Variants in PTPRD observed in about 807,000 individuals in gnomAD.
PTPRD encodes the protein receptor-type tyrosine-protein phosphatase delta.
In PTPRD, 34 loss-of-function variants were observed where a neutral mutation model predicts 214.5. The observed-to-expected ratio is 0.16, with a 90% confidence interval of 0.12 to 0.21. The LOEUF is 0.21. Among genes scored for constraint, PTPRD ranks in the 10% least tolerant of loss-of-function variants. PTPRD has a pLI of 1.00. For synonymous variants in PTPRD, 1,128 were observed against 845.7 expected (o/e 1.33, Z -5.79); for missense variants, 2,545 against 2,398.7 (o/e 1.06, Z -1.27).
chr9:9,109,229 CTCTA>C (rs1008157027), intron 10 of PTPRD, among the ~76,000 whole-genome samples: 18 of 152,274 alleles, frequency 1.2e-4, no homozygotes, highest in Admixed American at 1.1e-3. Context: ...GCTTGTTATA[CTCTA>C]TCTATATCTA....
rs188389094 is a variant in PTPRD at position 10,384,483 on chromosome 9, T to C, written c.-599-43466A>G. ...AATACATATATTGAGCAAAATAAGT[T>C]ATTTCAAAAATATATTGAAGTACAA... On this transcript the variant is annotated intron_variant, in intron 2 of 45. Transcript: ENST00000381196. 4.6e-5 allele frequency among the ~76,000 whole-genome samples: 7 copies of C among 151,882 alleles called. No homozygotes were observed. The East Asian group carries it at 5.8e-4, about 13-fold the overall frequency.
chr9:8,342,015 C>T (rs1213143883), intron 39 of PTPRD, 37 bp from the exon 40 acceptor site: 1 of 1,541,078 alleles, frequency 6.5e-7, no homozygotes, highest in Non-Finnish European at 8.7e-7. Flanking sequence ...CCAAATAAAC[C>T]TATCAGAAAA....
intron 7 of PTPRD, among the ~76,000 whole-genome samples, chr9:9,705,769 G>T (rs1036316832): frequency 1.4e-4 from 22 of 152,136 alleles, no homozygotes; most frequent in Non-Finnish European, 2.2e-4. Flanking sequence ...TGTGCAGAAT[G>T]ATTTTTAAAT....
chr9:8,813,762 T>G (rs531888734), intron 11 of PTPRD, among the ~76,000 whole-genome samples: 91 of 152,354 alleles, frequency 6.0e-4, no homozygotes, highest in Admixed American at 1.0e-3. Flanking sequence ...AAGAGATGCT[T>G]TGCTGAGTTC....
intron 5 of PTPRD, among the ~76,000 whole-genome samples, chr9:9,878,948 T>C (rs903368958): frequency 2.6e-5 from 4 of 152,144 alleles, no homozygotes; most frequent in African/African-American, 7.2e-5. Context: ...AGTCACATTA[T>C]AGGTTTTGAA....
intron 2 of PTPRD, among the ~76,000 whole-genome samples, chr9:10,466,785 G>A (rs116182255): frequency 5.9e-5 from 9 of 152,112 alleles, no homozygotes; most frequent in African/African-American, 1.9e-4. Flanking sequence ...CAAATACAAA[G>A]GGGGAATTAT....
chr9:9,219,363 A>G (rs1324126893), intron 9 of PTPRD, among the ~76,000 whole-genome samples: 2 of 152,104 alleles, frequency 1.3e-5, no homozygotes, highest in Non-Finnish European at 2.9e-5. Context: ...CAAAATATCA[A>G]ATTTCACAGA....
At chr9:8,849,785 G>C (rs928250930) in intron 11 of PTPRD, among the ~76,000 whole-genome samples, 4 of 152,114 alleles carry the variant, frequency 2.6e-5, no homozygotes, top group Non-Finnish European at 4.4e-5. Context: ...ATGCAATTTG[G>C]GAGCAGACTG....
At chr9:8,753,642 A>C (rs1398233033) in intron 11 of PTPRD, among the ~76,000 whole-genome samples, 4 of 152,220 alleles carry the variant, frequency 2.6e-5, no homozygotes, top group Admixed American at 2.6e-4. Flanking sequence ...CAAGGCTGCT[A>C]AATACAAGAT....
intron 8 of PTPRD, among the ~76,000 whole-genome samples, chr9:9,520,955 G>A (rs1260415981): frequency 6.6e-6 from 1 of 152,158 alleles, no homozygotes; most frequent in Non-Finnish European, 1.5e-5. Context: ...TGGGAGGCTT[G>A]TAAAAATTGT....
intron 5 of PTPRD, among the ~76,000 whole-genome samples, chr9:9,814,496 ACTAT>A (rs927109240): frequency 6.6e-6 from 1 of 152,326 alleles, no homozygotes; most frequent in East Asian, 1.9e-4. Flanking sequence ...CTAACAATTA[ACTAT>A]CTGAGAACAA....
intron 29 of PTPRD, 101 bp downstream of exon 29, chr9:8,485,126 G>A (rs1021133543): frequency 1.1e-5 from 10 of 925,864 alleles, no homozygotes; most frequent in Non-Finnish European, 1.7e-5. Context: ...AGGACACGTG[G>A]CCAAAACAAA....
chr9:9,608,543 T>C (rs534168175), intron 7 of PTPRD, among the ~76,000 whole-genome samples: 15 of 152,314 alleles, frequency 9.8e-5, no homozygotes, highest in Non-Finnish European at 1.9e-4. Context: ...GAAGACTAAT[T>C]GGCCCCACCT....
At chr9:9,711,081 A>G (rs922915664) in intron 7 of PTPRD, among the ~76,000 whole-genome samples, 5 of 152,164 alleles carry the variant, frequency 3.3e-5, no homozygotes, top group African/African-American at 4.8e-5. Context: ...AGCTACCTGG[A>G]TAGGATCAGG....
intron 10 of PTPRD, among the ~76,000 whole-genome samples, chr9:9,082,253 T>C (rs541201071): frequency 2.6e-5 from 4 of 152,158 alleles, no homozygotes; most frequent in Non-Finnish European, 5.9e-5. Context: ...AAAAAGCTTA[T>C]CCACCACGAC....
intron 8 of PTPRD, among the ~76,000 whole-genome samples, chr9:9,495,668 T>C (rs2096146878): frequency 1.3e-5 from 2 of 152,130 alleles, no homozygotes. Flanking sequence ...TGCTGAGAGC[T>C]GTTTTCATCA....
intron 33 of PTPRD, among the ~76,000 whole-genome samples, chr9:8,457,399 T>C (rs2096248294): frequency 6.6e-6 from 1 of 152,260 alleles, no homozygotes; most frequent in Admixed American, 6.5e-5. Flanking sequence ...CCAAATATAT[T>C]TTAATTTTCT....
At chr9:9,921,217 C>G (rs1196338336) in intron 5 of PTPRD, among the ~76,000 whole-genome samples, 1 of 152,046 alleles carries the variant, frequency 6.6e-6, no homozygotes, top group African/African-American at 2.4e-5. Flanking sequence ...TTCAAAAGTG[C>G]TGCTTTCAAC....
At chr9:8,519,482 G>T (rs940085331) in intron 20 of PTPRD, among the ~76,000 whole-genome samples, 2 of 152,080 alleles carry the variant, frequency 1.3e-5, no homozygotes, top group African/African-American at 4.8e-5. Context: ...AATCTCAAAG[G>T]GTAACATTCA....
Sources: allele counts gnomAD v4.1 joint callset (sites outside exome capture counted in the v4.1 genomes callset), GRCh38; gene constraint gnomAD v4.1.1; transcripts MANE v1.5; gene names NCBI Gene and HGNC (gene_info 2026-07-23, HGNC 2026-07-21).